CCSER1: variants seen among roughly 807,000 people sequenced by gnomAD.
CCSER1 encodes the protein serine-rich coiled-coil domain-containing protein 1.
Under a neutral mutation model 82.0 loss-of-function variants are expected in CCSER1, and 41 were observed. The ratio of observed to expected loss-of-function variants is 0.50; its 90% CI spans 0.39 to 0.65. CCSER1 has a LOEUF of 0.65. CCSER1 is among the 30% of genes least tolerant of loss of function. The pLI is 0.00. For missense variants in CCSER1, 1,119 were observed against 1,064.2 expected (o/e 1.05, Z -0.72); for synonymous variants, 414 against 383.9 (o/e 1.08, Z -0.92).
rs746012090 is a variant in CCSER1 at position 90,211,070 on chromosome 4, G to C, written c.-42+83239G>C. Among the ~76,000 whole-genome samples the C allele has an allele frequency of 4.6e-5, 7 of 151,968 alleles. No individual in the cohort carries two copies. The East Asian group carries it at 1.2e-3, about 25-fold the overall frequency. ...ACAGTCCAGTTTCATAGGCATTTTT[G>C]TTTTACATAGTAATATCAGACAATG... On this transcript the variant is annotated intron_variant, in intron 1 of 10. Transcript: ENST00000509176.
intron 10 of CCSER1, among the ~76,000 whole-genome samples, chr4:91,207,372 C>T (rs947710277): frequency 6.6e-6 from 1 of 151,544 alleles, no homozygotes; most frequent in African/African-American, 2.4e-5. Flanking sequence ...GGAACATCTC[C>T]ATCCTCCTAA....
chr4:90,777,899 G>C (rs1003471920), intron 7 of CCSER1, among the ~76,000 whole-genome samples: 2 of 152,028 alleles, frequency 1.3e-5, no homozygotes, highest in African/African-American at 2.4e-5. Flanking sequence ...CAAAATACAA[G>C]TTCCTAACTC....
At chr4:90,306,193 G>A (rs1340166650) in intron 1 of CCSER1, among the ~76,000 whole-genome samples, 1 of 152,130 alleles carries the variant, frequency 6.6e-6, no homozygotes, top group Non-Finnish European at 1.5e-5. Context: ...CTGGGGTGTC[G>A]GGGCCAGGGG....
intron 8 of CCSER1, among the ~76,000 whole-genome samples, chr4:90,901,789 A>G (rs954629638): frequency 6.6e-6 from 1 of 151,828 alleles, no homozygotes; most frequent in South Asian, 2.1e-4. Context: ...CTTGTGTAGT[A>G]TCTTACAGGT....
chr4:90,295,211 C>T (rs1731646098), intron 1 of CCSER1, among the ~76,000 whole-genome samples: 1 of 151,780 alleles, frequency 6.6e-6, no homozygotes, highest in Admixed American at 6.6e-5. Context: ...AGGGTAAATG[C>T]TGAGAAGTAG....
intron 3 of CCSER1, among the ~76,000 whole-genome samples, chr4:90,374,335 G>A (rs1009599120): frequency 9.2e-5 from 14 of 152,108 alleles, no homozygotes; most frequent in African/African-American, 3.4e-4. Flanking sequence ...TTAGCAGATA[G>A]AATACTGGAA....
chr4:90,479,903 G>A (rs151128074), intron 5 of CCSER1, among the ~76,000 whole-genome samples: 2,283 of 152,242 alleles, frequency 0.015, 38 homozygotes, highest in African/African-American at 0.044. Flanking sequence ...GTAATGGGAT[G>A]GCTGGGTCAA....
At chr4:90,328,904 T>C (rs1257879156) in intron 3 of CCSER1, among the ~76,000 whole-genome samples, 1 of 152,206 alleles carries the variant, frequency 6.6e-6, no homozygotes, top group Non-Finnish European at 1.5e-5. Flanking sequence ...ATACCTTTAG[T>C]GTCTAAAAAT....
chr4:90,534,600 A>G (rs547561422), intron 5 of CCSER1, among the ~76,000 whole-genome samples: 1 of 152,322 alleles, frequency 6.6e-6, no homozygotes, highest in East Asian at 1.9e-4. Context: ...TAAATATTTC[A>G]CATGCTCACA....
At chr4:90,780,770 A>G in intron 7 of CCSER1, 1 of 1,182,070 alleles carries the variant, frequency 8.5e-7, no homozygotes, top group East Asian at 4.4e-5. Flanking sequence ...AAGGTAAACT[A>G]AATTGACTAA....
intron 4 of CCSER1, among the ~76,000 whole-genome samples, chr4:90,444,173 A>G (rs1367636806): frequency 6.6e-6 from 1 of 152,062 alleles, no homozygotes; most frequent in Non-Finnish European, 1.5e-5. Flanking sequence ...CAGAAGTGGT[A>G]TGGAATTATT....
intron 10 of CCSER1, among the ~76,000 whole-genome samples, chr4:91,480,877 T>G (rs988947867): frequency 6.6e-6 from 1 of 152,196 alleles, no homozygotes; most frequent in Non-Finnish European, 1.5e-5. Flanking sequence ...AAACAGGTAC[T>G]CAATCTATAA....
intron 1 of CCSER1, among the ~76,000 whole-genome samples, chr4:90,244,773 G>A (rs1721124704): frequency 2.6e-5 from 4 of 152,130 alleles, no homozygotes; most frequent in Admixed American, 2.6e-4. Context: ...TCAACACCTG[G>A]GGATTACAAT....
At chr4:90,658,254 A>G (rs1192550585) in intron 6 of CCSER1, among the ~76,000 whole-genome samples, 1 of 152,126 alleles carries the variant, frequency 6.6e-6, no homozygotes, top group Non-Finnish European at 1.5e-5. Context: ...AATAGGAGTA[A>G]TTTGAGGCTC....
At chr4:91,363,017 G>C (rs926735819) in intron 10 of CCSER1, among the ~76,000 whole-genome samples, 8 of 151,612 alleles carry the variant, frequency 5.3e-5, no homozygotes, top group African/African-American at 1.9e-4. Flanking sequence ...ATCCATCCTG[G>C]ATTGCTGGCT....
chr4:90,551,706 C>CTCTCTATATA lies in CCSER1; in HGVS notation c.1725-76318_1725-76317insCTCTATATAT. Among the ~76,000 whole-genome samples, 640 of 104,204 alleles carry CTCTCTATATA rather than the reference C, an allele frequency of 6.1e-3. 3 individuals carry two copies. Among genetic ancestry groups the CTCTCTATATA allele is most frequent in the Middle Eastern group, 0.013 (2 of 156 alleles). 68.4% of individuals were successfully genotyped at this position (104,204 alleles called of 152,430 possible). On this transcript the variant is annotated intron_variant, in intron 5 of 10. Transcript: ENST00000509176. ...TCTCTCTCTCTCTCTCTCTCTCTCTCTATATATATATATATATATATGTAA... is the reference window on the plus strand; with the variant it reads ...TCTCTCTCTCTCTCTCTCTCTCTCTCTCTCTATATATATATATATATATATATATATGTAA...
chr4:90,722,982 T>G (rs781056461), intron 6 of CCSER1, among the ~76,000 whole-genome samples: 1 of 151,956 alleles, frequency 6.6e-6, no homozygotes, highest in Non-Finnish European at 1.5e-5. Flanking sequence ...TCACTTGAGG[T>G]GAATTCATTC....
chr4:90,578,522 A>G (rs954600632), intron 5 of CCSER1, among the ~76,000 whole-genome samples: 2 of 152,142 alleles, frequency 1.3e-5, no homozygotes, highest in Non-Finnish European at 2.9e-5. Flanking sequence ...TACTTTTAAG[A>G]GTTATAATTC....
rs1560791446 is a variant in CCSER1, at chr4:91,598,531, G to GC, written c.2218-41_2218-40insC. On this transcript the variant is annotated intron_variant, in intron 10 of 10. Coordinates refer to ENST00000509176, the MANE Select transcript of CCSER1 (RefSeq NM_001145065.2). The stretch of plus-strand genomic sequence containing the variant: ...TGTATTGTATGTATGCTATGAAAGT[G>GC]TTTTTTTAAGACATCTTTTTCTTTC... 14 of 1,505,030 alleles carry GC rather than the reference G, an allele frequency of 9.3e-6. No homozygotes were observed. In the South Asian group the frequency reaches 1.8e-4, roughly 19 times the overall value. The allele number at this position is 1,505,030 out of a possible 1,614,324, so 93.2% of individuals were successfully genotyped here. A position where few individuals can be genotyped will look rare whatever the true frequency, so the allele number is the denominator to read the frequency against.
Sources: allele counts gnomAD v4.1 joint callset (sites outside exome capture counted in the v4.1 genomes callset), GRCh38; gene constraint gnomAD v4.1.1; transcripts MANE v1.5; gene names NCBI Gene and HGNC (gene_info 2026-07-23, HGNC 2026-07-21).